Variants in MKLN1 observed in about 807,000 individuals in gnomAD.
The protein encoded by MKLN1 is muskelin.
In MKLN1, 18 loss-of-function variants were observed where a neutral mutation model predicts 99.0. The ratio of observed to expected loss-of-function variants is 0.18; its 90% CI spans 0.13 to 0.27. The LOEUF is 0.27. MKLN1 is among the 10% of genes least tolerant of loss of function. The probability of loss-of-function intolerance (pLI) is 1.00; values close to 1 mark genes in which losing one functional copy is unlikely to be tolerated. For missense variants in MKLN1, 621 were observed against 875.9 expected (o/e 0.71, Z 3.67); for synonymous variants, 288 against 293.2 (o/e 0.98, Z 0.18).
chr7:131,481,147 A>AG (rs1189836139), intron 17 of MKLN1, among the ~76,000 whole-genome samples: 6 of 152,274 alleles, frequency 3.9e-5, no homozygotes, highest in Admixed American at 3.9e-4. Flanking sequence ...GTCTTGTCTG[A>AG]GGGGAGGTAT....
chr7:131,483,869 C>T (rs901535818), intron 17 of MKLN1, among the ~76,000 whole-genome samples: 1 of 152,176 alleles, frequency 6.6e-6, no homozygotes, highest in African/African-American at 2.4e-5. Context: ...AGAAATACCA[C>T]AAGTATTGGT....
At chr7:131,468,440 A>G (rs78078479) in intron 15 of MKLN1, among the ~76,000 whole-genome samples, 1 of 152,186 alleles carries the variant, frequency 6.6e-6, no homozygotes, top group East Asian at 1.9e-4. Flanking sequence ...AGCTTGTACT[A>G]CACTGTTAGA....
chr7:131,164,479 C>T (rs1013681157), intron 2 of MKLN1, among the ~76,000 whole-genome samples: 2 of 152,160 alleles, frequency 1.3e-5, no homozygotes, highest in African/African-American at 4.8e-5. Flanking sequence ...AACATGGCAA[C>T]TGGACTCCTA....
rs968428229 is a variant in MKLN1, at chr7:131,463,087, G to A, written c.1526-130G>A. 4.1e-5 allele frequency: 30 copies of A among 737,820 alleles called. No individual in the cohort carries two copies. In the Admixed American group the frequency reaches 8.3e-4, roughly 20 times the overall value. The allele number at this position is 737,820 out of a possible 1,614,324, so 45.7% of individuals were successfully genotyped here. Reference sequence around the variant, plus strand: ...CAGTGAGTCATGGTTGTGCCTCACTGCACTTCAGCTTGGGCAACAGAGTGA... The same window carrying A: ...CAGTGAGTCATGGTTGTGCCTCACTACACTTCAGCTTGGGCAACAGAGTGA... On this transcript the variant is annotated intron_variant, in intron 12 of 17. Transcript: ENST00000352689.
chr7:131,348,045 CAGTT>C (rs1799614896), intron 1 of MKLN1, among the ~76,000 whole-genome samples: 1 of 152,150 alleles, frequency 6.6e-6, no homozygotes, highest in Non-Finnish European at 1.5e-5. Flanking sequence ...AGTTGTCTGA[CAGTT>C]GAGTGAGGAG....
chr7:131,238,344 C>T (rs1295634928), intron 3 of MKLN1, among the ~76,000 whole-genome samples: 1 of 152,174 alleles, frequency 6.6e-6, no homozygotes, highest in Non-Finnish European at 1.5e-5. Context: ...TTCTTTGCCT[C>T]AGGAGGTGTT....
chr7:131,151,831 A>G (rs936320591), intron 2 of MKLN1, among the ~76,000 whole-genome samples: 3 of 152,182 alleles, frequency 2.0e-5, no homozygotes, highest in Non-Finnish European at 4.4e-5. Context: ...ACACTCATAC[A>G]CACACCAGAA....
intron 1 of MKLN1, among the ~76,000 whole-genome samples, chr7:131,125,310 A>C (rs567755297): frequency 1.3e-5 from 2 of 152,350 alleles, no homozygotes; most frequent in South Asian, 4.1e-4. Flanking sequence ...GCTTAATTCT[A>C]ACCAGCTAAG....
rs570093701 is a variant in MKLN1, at chr7:131,424,356, G to A, written c.848-4677G>A. Among the ~76,000 whole-genome samples, 18 of 151,976 alleles carry A rather than the reference G, an allele frequency of 1.2e-4. No homozygotes were observed. In the East Asian group the frequency reaches 1.9e-3, roughly 16 times the overall value. ...TTTTGGGCCCAGGCTATGTCAATGC[G>A]TAGTATACACATCCTATACAGTGTC... On this transcript the variant is annotated intron_variant, in intron 8 of 17. Coordinates refer to ENST00000352689, the MANE Select transcript of MKLN1 (RefSeq NM_013255.5).
intron 3 of MKLN1, among the ~76,000 whole-genome samples, chr7:131,314,563 C>G (rs1321107234): frequency 6.6e-6 from 1 of 152,114 alleles, no homozygotes. Context: ...GCTGGGACTA[C>G]AGGCACCTGC....
In MKLN1 at chr7:131,351,329, C is replaced by G. The variant is rs140036089; in HGVS notation, c.98+23332C>G. Among the ~76,000 whole-genome samples, 294 of 152,290 alleles carry G rather than the reference C, an allele frequency of 1.9e-3. 2 individuals are homozygous for G. The highest frequency in any genetic ancestry group is 6.9e-3 in the African/African-American group (286 of 41,562). On this transcript the variant is annotated intron_variant, in intron 1 of 17. Coordinates refer to ENST00000352689, the MANE Select transcript of MKLN1 (RefSeq NM_013255.5). ...TTATCCATTGATTTGTTGAAGAAAT[C>G]AGGTCATTTGTCCTGAAGAAGCTCC... is the stretch of plus-strand genomic sequence containing the variant.
intron 2 of MKLN1, among the ~76,000 whole-genome samples, chr7:131,181,488 A>G (rs890591044): frequency 2.6e-5 from 4 of 152,108 alleles, no homozygotes; most frequent in African/African-American, 9.7e-5. Flanking sequence ...CAGGAGGATC[A>G]AGTGAAGCCA....
chr7:131,281,310 A>C (rs1798048185), intron 3 of MKLN1, among the ~76,000 whole-genome samples: 1 of 151,914 alleles, frequency 6.6e-6, no homozygotes, highest in Non-Finnish European at 1.5e-5. Context: ...TTCCCTATCG[A>C]ATTGTCTTGG....
intron 3 of MKLN1, among the ~76,000 whole-genome samples, chr7:131,273,339 T>C (rs1178410970): frequency 1.4e-4 from 3 of 20,874 alleles, no homozygotes; most frequent in African/African-American, 5.5e-4. Context: ...GAGCCTATTT[T>C]GGAAAAGGTC....
intron 3 of MKLN1, among the ~76,000 whole-genome samples, chr7:131,234,182 G>A (rs1395008128): frequency 2.6e-5 from 4 of 151,942 alleles, no homozygotes; most frequent in Non-Finnish European, 5.9e-5. Flanking sequence ...GTTTCACCAT[G>A]TTGGCCAGGC....
chr7:131,372,778 T>C (rs2116839355), intron 1 of MKLN1, among the ~76,000 whole-genome samples: 1 of 151,668 alleles, frequency 6.6e-6, no homozygotes, highest in African/African-American at 2.4e-5. Context: ...TCTGAGGCTT[T>C]AGCATATGGT....
chr7:131,158,084 A>G (rs1445381508), intron 2 of MKLN1, among the ~76,000 whole-genome samples: 1 of 152,158 alleles, frequency 6.6e-6, no homozygotes, highest in African/African-American at 2.4e-5. Context: ...GCGTTTTGCC[A>G]TGGAAAAATT....
intron 2 of MKLN1, among the ~76,000 whole-genome samples, chr7:131,199,061 C>T (rs372530220): frequency 9.2e-5 from 14 of 152,072 alleles, no homozygotes; most frequent in African/African-American, 2.4e-4. Context: ...ATGATAAGAA[C>T]GTGAGTTCAG....
intron 3 of MKLN1, chr7:131,309,721 A>AGTTTTTTT: frequency 1.1e-5 from 1 of 87,518 alleles, no homozygotes; most frequent in South Asian, 4.4e-4. Flanking sequence ...CCACAAGTGG[A>AGTTTTTTT]TTTTTTTTTT....
Sources: gnomAD v4.1 joint callset for allele counts (sites outside exome capture counted in the v4.1 genomes callset) on GRCh38, gnomAD v4.1.1 for gene constraint, MANE v1.5 for transcripts, NCBI Gene and HGNC (gene_info 2026-07-23, HGNC 2026-07-21) for gene names.